RPS6KL1: variants seen among roughly 807,000 people sequenced by gnomAD.
The protein encoded by RPS6KL1 is ribosomal protein S6 kinase-like 1.
Under a neutral mutation model 57.0 loss-of-function variants are expected in RPS6KL1, and 41 were observed. The ratio of observed to expected loss-of-function variants is 0.72; its 90% CI spans 0.56 to 0.93. RPS6KL1 has a LOEUF of 0.93. Ranked by LOEUF, RPS6KL1 falls within the 40% of genes least tolerant of loss-of-function variation. The probability of loss-of-function intolerance (pLI) is 0.00; values close to 1 mark genes in which losing one functional copy is unlikely to be tolerated. For synonymous variants in RPS6KL1, 287 were observed against 309.7 expected, an observed-to-expected ratio of 0.93 and a Z score of 0.77; for missense variants, 697 against 727.7, an observed-to-expected ratio of 0.96 and a Z score of 0.49.
At position 74,911,396 on chromosome 14, in the gene RPS6KL1, C is replaced by CA; in HGVS notation, c.532-17dup. ...TGGGTAGGCTCTGGGAGCAGCAGGG[C>CA]AGGCAGATCAGCCGGGGACAGGCCA... On this transcript the variant is annotated splice_polypyrimidine_tract_variant and intron_variant, in intron 6 of 11. Transcript: ENST00000557413. The CA allele has an allele frequency of 6.9e-6, 11 of 1,598,072 alleles. No homozygotes were observed. The highest frequency in any genetic ancestry group is 9.4e-6 in the Non-Finnish European group (11 of 1,174,622).
chr14:74,911,797 C>T lies in RPS6KL1; in HGVS notation c.528G>A (p.Val176=). ...GCAGGGGCAGGGTGGCACCTGCCTT[C>T]ACCACAAAGGTCCCTCCGGTTGCCG... ...QDPATGGTFV[V]KSLPRCHMVS... is the part of the protein sequence containing the mutation. Residue 176 remains valine (V), a synonymous_variant, in exon 6 of 12, where the codon GTG becomes GTA. Coordinates refer to ENST00000557413, the MANE Select transcript of RPS6KL1 (RefSeq NM_031464.5). The T allele has an allele frequency of 6.4e-7, 1 of 1,554,098 alleles. No individual in the cohort carries two copies. The highest frequency in any genetic ancestry group is 8.7e-7 in the Non-Finnish European group (1 of 1,148,712).
chr14:74,921,238 T>TTGCCCCCCCCCCCCCCCCCCCCCCCCCCC, intron 3 of RPS6KL1, 39 bp downstream of exon 3: 3 of 840,172 alleles, frequency 3.6e-6, no homozygotes, highest in Non-Finnish European at 4.1e-6. Flanking sequence ...CACTGGCCCT[T>TTGCCCCCCCCCCCCCCCCCCCCCCCCCCC]CCCCACCCAC....
chr14:74,908,985 A>T, intron 9 of RPS6KL1, 53 bp from the exon 10 acceptor site: 1 of 1,578,720 alleles, frequency 6.3e-7, no homozygotes, highest in Non-Finnish European at 8.7e-7. Flanking sequence ...GGCCTCTTCC[A>T]TTCTCCTCAG....
chr14:74,912,296 C>A (rs929513338), intron 5 of RPS6KL1, among the ~76,000 whole-genome samples: 1 of 152,220 alleles, frequency 6.6e-6, no homozygotes, highest in Non-Finnish European at 1.5e-5. Flanking sequence ...AATGCCCTGC[C>A]CTCTCCCTGC....
At chr14:74,907,368 T>A in intron 11 of RPS6KL1, 67 bp downstream of exon 11, 1 of 1,529,706 alleles carries the variant, frequency 6.5e-7, no homozygotes, top group Non-Finnish European at 8.8e-7. Context: ...TCAGACACAG[T>A]TCTGTGCCCC....
rs535691750 is a variant in RPS6KL1 at position 74,905,114 on chromosome 14, T to C, written c.*1900A>G. ...AAAATAGGCATTATTTACCCCATTT[T>C]ATCGAAAGGAGGTCGACTGTAAGAG... is the stretch of plus-strand genomic sequence containing the variant. On this transcript the variant is annotated 3_prime_UTR_variant, in exon 12 of 12. Coordinates refer to ENST00000557413, the MANE Select transcript of RPS6KL1 (RefSeq NM_031464.5). The C allele has an allele frequency of 1.3e-5, 2 of 152,294 alleles. No homozygotes were observed. The highest frequency in any genetic ancestry group is 4.8e-5 in the African/African-American group (2 of 41,564). 9.4% of individuals were successfully genotyped at this position (152,294 alleles called of 1,614,324 possible). A position where few individuals can be genotyped will look rare whatever the true frequency, so the allele number is the denominator to read the frequency against.
intron 1 of RPS6KL1, among the ~76,000 whole-genome samples, chr14:74,922,871 G>A (rs941031874): frequency 6.6e-6 from 1 of 152,236 alleles, no homozygotes; most frequent in Non-Finnish European, 1.5e-5. Context: ...AGCCGGCGGG[G>A]AGCTGAATCC....
rs1308431350 is a variant in RPS6KL1, at chr14:74,906,949, G to A, written c.*65C>T. 2.4e-6 allele frequency: 3 copies of A among 1,234,534 alleles called. No homozygotes were observed. The highest frequency in any genetic ancestry group is 1.5e-5 in the African/African-American group (1 of 67,498). The allele number at this position is 1,234,534 out of a possible 1,614,324, so 76.5% of individuals were successfully genotyped here. On this transcript the variant is annotated 3_prime_UTR_variant, in exon 12 of 12. Coordinates refer to ENST00000557413, the MANE Select transcript of RPS6KL1 (RefSeq NM_031464.5). Reference sequence around the variant, plus strand: ...TGATAGAGGGCCAGCCCTGGGTTGGGTGTCAGGCAAGGAGGAGAGGCGATC... The same window carrying A: ...TGATAGAGGGCCAGCCCTGGGTTGGATGTCAGGCAAGGAGGAGAGGCGATC...
chr14:74,909,793 C>G lies in RPS6KL1; in HGVS notation c.1020G>C (p.Gly340=), dbSNP rs779251788. Residue 340 remains glycine, a synonymous_variant, in exon 8 of 12, where the codon GGG becomes GGC. Coordinates refer to ENST00000557413, the MANE Select transcript of RPS6KL1 (RefSeq NM_031464.5). ...GAACCCAAGTGAGCCCCCGAGGGGG[C>G]CCAGCGTCTGAGTTCTGGCCAGCCC... ...ARRAGQNSDA[G]PPRGLTWVPE... 2.0e-4 allele frequency: 320 copies of G among 1,605,370 alleles called. No homozygotes were observed. Among genetic ancestry groups the G allele is most frequent in the Non-Finnish European group, 2.7e-4 (312 of 1,176,068 alleles).
intron 4 of RPS6KL1, among the ~76,000 whole-genome samples, chr14:74,918,946 C>T (rs924160783): frequency 1.3e-5 from 2 of 152,184 alleles, no homozygotes; most frequent in African/African-American, 2.4e-5. Context: ...GAGGCCGAGG[C>T]GGGCAGATCA....
At chr14:74,921,238 T>TACCCCCCCCCCCCC in intron 3 of RPS6KL1, 39 bp downstream of exon 3, 1 of 840,180 alleles carries the variant, frequency 1.2e-6, no homozygotes, top group Non-Finnish European at 2.0e-6. Flanking sequence ...CACTGGCCCT[T>TACCCCCCCCCCCCC]CCCCACCCAC....
intron 4 of RPS6KL1, 80 bp downstream of exon 4, chr14:74,919,765 C>T: frequency 6.6e-7 from 1 of 1,510,152 alleles, no homozygotes; most frequent in Non-Finnish European, 9.0e-7. Flanking sequence ...CAGGGCGGGC[C>T]TGTGGGTGTC....
intron 10 of RPS6KL1, among the ~76,000 whole-genome samples, chr14:74,907,855 T>C (rs1391450748): frequency 3.9e-5 from 6 of 152,192 alleles, no homozygotes; most frequent in African/African-American, 1.4e-4. Flanking sequence ...GGAACTTGTC[T>C]CCTTATTTTA....
rs567683380 is a variant in RPS6KL1 at position 74,913,778 on chromosome 14, G to A, written c.484-1937C>T. 5.9e-5 allele frequency among the ~76,000 whole-genome samples: 9 copies of A among 152,330 alleles called. No homozygotes were observed. The South Asian group carries it at 1.0e-3, about 18-fold the overall frequency. ...GGCAGAGCAGCAGCCTGCACCTGCC[G>A]CAGAACACACCCTTGATAACCTGTC... On this transcript the variant is annotated intron_variant, in intron 5 of 11. Transcript: ENST00000557413.
chr14:74,907,221 TC>T, intron 11 of RPS6KL1, 97 bp from the exon 12 acceptor site: 1 of 1,352,308 alleles, frequency 7.4e-7, no homozygotes, highest in Non-Finnish European at 1.0e-6. Flanking sequence ...GGGGGCCTGC[TC>T]CCTGGCAGCC....
rs996171670 is a variant in RPS6KL1, at chr14:74,904,355, T to G, written c.*2659A>C. 15 of 152,186 alleles carry G rather than the reference T, an allele frequency of 9.9e-5. No individual in the cohort carries two copies. The highest frequency in any genetic ancestry group is 3.6e-4 in the African/African-American group (15 of 41,436). The allele number at this position is 152,186 out of a possible 1,614,324, so 9.4% of individuals were successfully genotyped here. A position where few individuals can be genotyped will look rare whatever the true frequency, so the allele number is the denominator to read the frequency against. On this transcript the variant is annotated 3_prime_UTR_variant, in exon 12 of 12. Transcript: ENST00000557413. ...AGAGAAAATAGATTGTAAATGCTTC[T>G]CATCAGACTTAAGGAGCCTGTTTTA... is the stretch of plus-strand genomic sequence containing the variant.
At chr14:74,921,923 A>T (rs1230414473) in intron 2 of RPS6KL1, 55 bp downstream of exon 2, 6 of 287,796 alleles carry the variant, frequency 2.1e-5, no homozygotes, top group Non-Finnish European at 3.7e-5. Flanking sequence ...GATTACAGGC[A>T]CTTGCCTACC....
intron 5 of RPS6KL1, among the ~76,000 whole-genome samples, chr14:74,914,493 C>T (rs1886534164): frequency 6.6e-6 from 1 of 152,208 alleles, no homozygotes; most frequent in African/African-American, 2.4e-5. Context: ...TTAAAACCAA[C>T]CTCAGTATTC....
At chr14:74,908,959 C>T in intron 9 of RPS6KL1, 27 bp from the exon 10 acceptor site, 1 of 1,604,444 alleles carries the variant, frequency 6.2e-7, no homozygotes, top group Non-Finnish European at 8.5e-7. Flanking sequence ...ACAGGTGTCC[C>T]AGCCTCACCT....
Sources: allele counts gnomAD v4.1 joint callset (sites outside exome capture counted in the v4.1 genomes callset), GRCh38; gene constraint gnomAD v4.1.1; transcripts MANE v1.5; gene names NCBI Gene and HGNC (gene_info 2026-07-23, HGNC 2026-07-21).